FRY: variants seen among roughly 807,000 people sequenced by gnomAD.
The protein encoded by FRY is protein furry homolog.
FRY carries 128 observed loss-of-function variants against 348.4 expected under a neutral mutation model. That is an observed-to-expected ratio of 0.37 (90% confidence interval 0.32 to 0.43). The LOEUF is 0.43. FRY is among the 20% of genes least tolerant of loss of function. The pLI is 1.00. For synonymous variants in FRY, 1,370 were observed against 1,374.7 expected (o/e 1.00, Z 0.08); for missense variants, 2,736 against 3,695.2 (o/e 0.74, Z 6.73).
chr13:32,203,963 A>C (rs1884200164), intron 31 of FRY, among the ~76,000 whole-genome samples: 1 of 152,168 alleles, frequency 6.6e-6, no homozygotes, highest in African/African-American at 2.4e-5. Flanking sequence ...TCTTAACTCA[A>C]ACTTCTCTGC....
chr13:32,039,971 G>A (rs1447253601), intron 1 of FRY, among the ~76,000 whole-genome samples: 1 of 152,170 alleles, frequency 6.6e-6, no homozygotes, highest in Non-Finnish European at 1.5e-5. Context: ...GTGGAAGACA[G>A]CTTTGCAATT....
At chr13:32,091,381 T>C (rs183464895) in intron 2 of FRY, among the ~76,000 whole-genome samples, 205 of 152,274 alleles carry the variant, frequency 1.3e-3, no homozygotes, top group Admixed American at 3.9e-3. Flanking sequence ...GGGAAGTCAT[T>C]TGGGGAGTAA....
At chr13:32,226,272 C>A (rs1885576866) in intron 39 of FRY, among the ~76,000 whole-genome samples, 2 of 152,198 alleles carry the variant, frequency 1.3e-5, no homozygotes, top group Non-Finnish European at 2.9e-5. Context: ...TGGCCAGGAG[C>A]AGCAGTCTAG....
intron 20 of FRY, among the ~76,000 whole-genome samples, chr13:32,176,268 T>C (rs943011843): frequency 6.6e-6 from 1 of 152,222 alleles, no homozygotes; most frequent in Non-Finnish European, 1.5e-5. Context: ...TTTAGTTATC[T>C]GACTTTTAAA....
intron 48 of FRY, among the ~76,000 whole-genome samples, chr13:32,248,596 A>T (rs1388987618): frequency 2.6e-5 from 4 of 152,164 alleles, no homozygotes; most frequent in Non-Finnish European, 2.9e-5. Flanking sequence ...TGTAGGTCAT[A>T]TCCAAGTTGG....
At chr13:32,279,336 C>T (rs566743924) in intron 58 of FRY, among the ~76,000 whole-genome samples, 10 of 152,280 alleles carry the variant, frequency 6.6e-5, no homozygotes, top group East Asian at 1.9e-4. Flanking sequence ...CTGTAGTCTG[C>T]GTAAGGGCCC....
At chr13:32,178,779 TTTAA>T in intron 21 of FRY, 61 bp from the exon 22 acceptor site, 1 of 1,094,118 alleles carries the variant, frequency 9.1e-7, no homozygotes, top group Non-Finnish European at 1.4e-6. Flanking sequence ...ATGATCTTTA[TTTAA>T]TAAGTGATAT....
intron 11 of FRY, among the ~76,000 whole-genome samples, chr13:32,141,143 TTAA>T (rs1880045419): frequency 6.6e-6 from 1 of 152,160 alleles, no homozygotes; most frequent in Admixed American, 6.5e-5. Context: ...GACGTAAAAA[TTAA>T]TAATAAGATG....
chr13:32,115,976 A>G (rs1000888439), intron 3 of FRY, among the ~76,000 whole-genome samples: 7 of 152,070 alleles, frequency 4.6e-5, no homozygotes, highest in Admixed American at 3.9e-4. Flanking sequence ...TTTTCATGTC[A>G]TATTTTTATA....
intron 1 of FRY, among the ~76,000 whole-genome samples, chr13:32,063,200 C>T (rs1156588548): frequency 6.6e-6 from 1 of 152,130 alleles, no homozygotes; most frequent in Non-Finnish European, 1.5e-5. Context: ...CTTTGGCAGA[C>T]CCCCCACCAC....
intron 50 of FRY, 135 bp downstream of exon 50, chr13:32,252,087 C>G: frequency 1.4e-6 from 1 of 718,786 alleles, no homozygotes; most frequent in Non-Finnish European, 2.6e-6. Context: ...TTGAGCAAAC[C>G]CCTGGACTAT....
At chr13:32,261,859 T>C in intron 52 of FRY, 43 bp downstream of exon 52, 1 of 1,553,014 alleles carries the variant, frequency 6.4e-7, no homozygotes. Flanking sequence ...GAGGCTTATT[T>C]TTTGTAACTA....
In FRY at chr13:32,288,205, C is replaced by T. The variant is rs1330520489; in HGVS notation, c.8470-1428C>T. 2.6e-5 allele frequency among the ~76,000 whole-genome samples: 4 copies of T among 152,144 alleles called. No homozygotes were observed. In the East Asian group the frequency reaches 7.7e-4, roughly 29 times the overall value. ...TTGTGAAGGTAATATTGTTTTTAAA[C>T]AATACTTTTTTATTTATTTGCAAGT... is the stretch of plus-strand genomic sequence containing the variant. On this transcript the variant is annotated intron_variant, in intron 58 of 60. Transcript: ENST00000542859.
At chr13:32,280,608 G>A (rs929283225) in intron 58 of FRY, among the ~76,000 whole-genome samples, 7 of 152,136 alleles carry the variant, frequency 4.6e-5, no homozygotes, top group South Asian at 2.1e-4. Context: ...AGCACAAATC[G>A]AATCCAGCTC....
intron 35 of FRY, 111 bp downstream of exon 35, chr13:32,212,493 C>A (rs1593748869): frequency 1.4e-6 from 1 of 724,960 alleles, no homozygotes; most frequent in African/African-American, 1.8e-5. Flanking sequence ...ACATAAAAAT[C>A]CTTCTTTGTT....
chr13:32,202,556 T>C (rs778263104), intron 31 of FRY, 29 bp downstream of exon 31: 13 of 1,521,482 alleles, frequency 8.5e-6, no homozygotes, highest in Non-Finnish European at 1.1e-5. Context: ...TAATGACATA[T>C]GTGATCATTT....
chr13:32,224,330 G>GC lies in FRY; in HGVS notation c.4867dup (p.Leu1623ProfsTer3), dbSNP rs754580696. ...GATGCCTTGTACTGGAGGATGCTGG[G>GC]CCCCCCTGGTTGACTATCTCCCGGA... is the stretch of plus-strand genomic sequence containing the variant. On this transcript the variant is annotated frameshift_variant, in exon 37 of 61. Transcript: ENST00000542859. LOFTEE classifies it high-confidence loss of function. The GC allele has an allele frequency of 1.2e-6, 2 of 1,613,918 alleles. No individual in the cohort carries two copies. The highest frequency in any genetic ancestry group is 1.7e-6 in the Non-Finnish European group (2 of 1,179,944).
At chr13:32,203,658 G>A (rs1236527174) in intron 31 of FRY, among the ~76,000 whole-genome samples, 2 of 151,926 alleles carry the variant, frequency 1.3e-5, no homozygotes, top group Admixed American at 6.6e-5. Context: ...GGGAGGCAGC[G>A]ATTGCAGTGA....
chr13:32,134,897 T>C lies in FRY; in HGVS notation c.886-7T>C. 1 of 1,577,576 alleles carries C rather than the reference T, an allele frequency of 6.3e-7. No homozygotes were observed. The highest frequency in any genetic ancestry group is 8.7e-7 in the Non-Finnish European group (1 of 1,146,778). On this transcript the variant is annotated splice_region_variant and splice_polypyrimidine_tract_variant and intron_variant, in intron 8 of 60. Transcript: ENST00000542859. ...CTCCCTCCCTATACTCTTTTTCTGC[T>C]TCCCAGGAATGTGCACATTACTTCC...
Sources: allele counts gnomAD v4.1 joint callset (sites outside exome capture counted in the v4.1 genomes callset), GRCh38; gene constraint gnomAD v4.1.1; transcripts MANE v1.5; gene names NCBI Gene and HGNC (gene_info 2026-07-23, HGNC 2026-07-21).